Variants in PDE8B observed in about 807,000 individuals in gnomAD.
PDE8B encodes phosphodiesterase 8B, also known as high affinity cAMP-specific and IBMX-insensitive 3',5'-cyclic phosphodiesterase 8B.
A neutral mutation model predicts 101.3 loss-of-function variants in PDE8B; 26 were observed. The observed-to-expected ratio is 0.26, with a 90% CI of 0.19 to 0.36. The LOEUF (loss-of-function observed/expected upper bound fraction) is 0.36, where lower values mean the gene tolerates loss of function less well. Ranked by LOEUF, PDE8B falls within the 10% of genes least tolerant of loss-of-function variation. PDE8B has a pLI of 1.00. For synonymous variants in PDE8B, 424 were observed against 429.3 expected (o/e 0.99, Z 0.15); for missense variants, 810 against 1,163.1 (o/e 0.70, Z 4.42).
chr5:77,273,329 C>A (rs1028134538), intron 1 of PDE8B, among the ~76,000 whole-genome samples: 4 of 152,292 alleles, frequency 2.6e-5, no homozygotes, highest in African/African-American at 9.6e-5. Context: ...CTTGAACAGG[C>A]AGGTAATAGC....
the PDE8B span, chr5:77,166,663 T>G: frequency 1.3e-5 from 2 of 152,316 alleles, no homozygotes; most frequent in African/African-American, 2.4e-5. Flanking sequence ...TATATATTTT[T>G]CTAGGCAGCA....
At chr5:77,340,322 C>A (rs1415705073) in intron 6 of PDE8B, among the ~76,000 whole-genome samples, 1 of 152,194 alleles carries the variant, frequency 6.6e-6, no homozygotes, top group African/African-American at 2.4e-5. Context: ...TATTAACAGA[C>A]ATTTGTAGAG....
At chr5:77,252,189 G>T (rs917741573) in intron 1 of PDE8B, among the ~76,000 whole-genome samples, 1 of 152,224 alleles carries the variant, frequency 6.6e-6, no homozygotes, top group African/African-American at 2.4e-5. Context: ...CCCAGAGCTG[G>T]TTCACTTGGG....
At chr5:77,272,616 AG>A (rs1218519206) in intron 1 of PDE8B, among the ~76,000 whole-genome samples, 2 of 152,184 alleles carry the variant, frequency 1.3e-5, no homozygotes, top group African/African-American at 4.8e-5. Context: ...CCACCCTGGA[AG>A]GCTGTGGCTG....
chr5:77,266,082 C>A (rs557264565), intron 1 of PDE8B, among the ~76,000 whole-genome samples: 1 of 152,328 alleles, frequency 6.6e-6, no homozygotes, highest in South Asian at 2.1e-4. Context: ...TGTTCAGCGG[C>A]ATTGTGGTGA....
At chr5:77,146,837 T>G in the PDE8B span, 1 of 353,520 alleles carries the variant, frequency 2.8e-6, no homozygotes, top group Non-Finnish European at 5.8e-6. Context: ...AAAAAGTAGT[T>G]CAAGGATCCC....
chr5:77,385,838 C>T (rs1303598381), intron 10 of PDE8B, among the ~76,000 whole-genome samples: 1 of 136,614 alleles, frequency 7.3e-6, no homozygotes. Flanking sequence ...TGCACTGTCG[C>T]AGTGCAATGG....
the PDE8B span, among the ~76,000 whole-genome samples, chr5:77,195,685 A>C: frequency 1.3e-5 from 2 of 152,216 alleles, no homozygotes; most frequent in Non-Finnish European, 2.9e-5. Context: ...AAAGTCAATT[A>C]ACACATATTT....
intron 20 of PDE8B, among the ~76,000 whole-genome samples, chr5:77,425,065 G>T (rs2151233965): frequency 6.6e-6 from 1 of 152,286 alleles, no homozygotes; most frequent in South Asian, 2.1e-4. Flanking sequence ...TTTGGTGCTA[G>T]TTCATTGAGT....
At chr5:77,169,529 T>C in the PDE8B span, among the ~76,000 whole-genome samples, 267 of 152,166 alleles carry the variant, frequency 1.8e-3, 1 homozygote, top group African/African-American at 6.0e-3. Context: ...AAGTAGGAAG[T>C]AGCCAGGGAA....
upstream of PDE8B, among the ~76,000 whole-genome samples, chr5:77,207,929 A>G (rs1747636168): frequency 1.3e-5 from 2 of 152,204 alleles, no homozygotes; most frequent in African/African-American, 2.4e-5. Context: ...AGAAAACTGT[A>G]TACCTAGTGC....
chr5:77,215,870 C>A (rs1028316607), intron 1 of PDE8B, among the ~76,000 whole-genome samples: 3 of 152,176 alleles, frequency 2.0e-5, no homozygotes, highest in Non-Finnish European at 4.4e-5. Context: ...TGGGGCCAGG[C>A]AGGCAAGGGA....
At chr5:77,325,860 A>T (rs982333310) in intron 3 of PDE8B, 131 bp downstream of exon 3, 3 of 701,632 alleles carry the variant, frequency 4.3e-6, no homozygotes, top group African/African-American at 1.8e-5. Context: ...CAGTGTATAC[A>T]GATGTCTGTG....
chr5:77,249,067 C>A (rs1178473196), intron 1 of PDE8B, among the ~76,000 whole-genome samples: 1 of 152,182 alleles, frequency 6.6e-6, no homozygotes, highest in African/African-American at 2.4e-5. Flanking sequence ...TTGTTATGGC[C>A]ACTCAAGTGT....
At chr5:77,162,116 A>G in the PDE8B span, among the ~76,000 whole-genome samples, 3 of 152,006 alleles carry the variant, frequency 2.0e-5, no homozygotes, top group East Asian at 5.8e-4. Flanking sequence ...ATGAGAATCA[A>G]TTGTTTTTCT....
chr5:77,259,888 G>T (rs1043512068), intron 1 of PDE8B, among the ~76,000 whole-genome samples: 1 of 152,162 alleles, frequency 6.6e-6, no homozygotes, highest in Non-Finnish European at 1.5e-5. Flanking sequence ...TCAGCCGGGC[G>T]TGTTGGCTCA....
In PDE8B at chr5:77,211,402, T is replaced by C. The variant is rs960014346; in HGVS notation, c.339+138T>C. 64 of 791,990 alleles carry C rather than the reference T, an allele frequency of 8.1e-5. No individual in the cohort carries two copies. The African/African-American group carries it at 1.1e-3, about 13-fold the overall frequency. The allele number at this position is 791,990 out of a possible 1,614,324, so 49.1% of individuals were successfully genotyped here. On this transcript the variant is annotated intron_variant, in intron 1 of 21. Coordinates refer to ENST00000264917, the MANE Select transcript of PDE8B (RefSeq NM_003719.5). This position sits in a 1 kb window ranked among gnomAD's most constrained non-coding sequence, Gnocchi z 4.1. ...AGGTTGTCACTAAGGAGGAGTTTAC[T>C]TTTCATTTGTGGAGATGATGGGAGC...
At chr5:77,127,200 G>A in the PDE8B span, among the ~76,000 whole-genome samples, 96 of 152,244 alleles carry the variant, frequency 6.3e-4, no homozygotes, top group African/African-American at 2.2e-3. Context: ...ATCTCATCTC[G>A]AATTGTAATC....
At chr5:77,302,738 C>T (rs1025437843) in intron 1 of PDE8B, among the ~76,000 whole-genome samples, 3 of 152,156 alleles carry the variant, frequency 2.0e-5, no homozygotes, top group African/African-American at 7.2e-5. Flanking sequence ...TGAGGCAGAC[C>T]TGGGCTTAAA....
Sources: gnomAD v4.1 joint callset for allele counts (sites outside exome capture counted in the v4.1 genomes callset) on GRCh38, gnomAD v4.1.1 for gene constraint, Gnocchi (gnomAD v3.1) non-coding constraint, MANE v1.5 for transcripts, NCBI Gene and HGNC (gene_info 2026-07-23, HGNC 2026-07-21) for gene names.